ZC3H7B: variants seen among roughly 807,000 people sequenced by gnomAD.
ZC3H7B encodes zinc finger CCCH domain-containing protein 7B.
ZC3H7B carries 35 observed loss-of-function variants against 116.0 expected under a neutral mutation model. The ratio of observed to expected loss-of-function variants is 0.30; its 90% CI spans 0.23 to 0.40. ZC3H7B has a LOEUF of 0.40. Among genes scored for constraint, ZC3H7B ranks in the 10% least tolerant of loss-of-function variants. The pLI, the probability that ZC3H7B is intolerant of heterozygous loss-of-function variation, is 1.00. For synonymous variants in ZC3H7B, 502 were observed against 545.6 expected, an observed-to-expected ratio of 0.92 and a Z score of 1.11; for missense variants, 1,011 against 1,321.5, an observed-to-expected ratio of 0.77 and a Z score of 3.64.
chr22:41,342,621 C>G lies in ZC3H7B; in HGVS notation c.1290C>G (p.Pro430=). ...EFKQACQLCY[P]KTGPRAGDYT... ...AGCAGGCCTGCCAGCTCTGCTACCC[C>G]AAGACAGGTAAACTTTCACCTGTAG... The change falls in exon 12 of 23, where the codon CCC becomes CCG. Residue 430 remains proline (P), a synonymous_variant. Coordinates refer to ENST00000352645, the MANE Select transcript of ZC3H7B (RefSeq NM_017590.6). The G allele has an allele frequency of 6.2e-7, 1 of 1,612,102 alleles. No homozygotes were observed. The highest frequency in any genetic ancestry group is 8.5e-7 in the Non-Finnish European group (1 of 1,179,790).
intron 11 of ZC3H7B, 77 bp from the exon 12 acceptor site, chr22:41,342,452 C>T: frequency 1.4e-6 from 2 of 1,440,262 alleles, no homozygotes; most frequent in South Asian, 2.3e-5. Context: ...GCACTCCCCA[C>T]TTCTGGTGCC....
At position 41,357,749 on chromosome 22, in the gene ZC3H7B, A is replaced by G; in HGVS notation, c.*320A>G. On this transcript the variant is annotated 3_prime_UTR_variant, in exon 23 of 23. Transcript: ENST00000352645. The surrounding 1 kb of genome is among the most constrained non-coding windows in gnomAD (Gnocchi z 5.4). The stretch of plus-strand genomic sequence containing the variant: ...CAGCTTTAACTTCTGTCTGCTCCTA[A>G]TGGGGGCCCAAAGCTCAGGGCTGGG... The G allele has an allele frequency of 2.7e-6, 1 of 374,770 alleles. No homozygotes were observed. The highest frequency in any genetic ancestry group is 5.0e-6 in the Non-Finnish European group (1 of 199,716). 23.2% of individuals were successfully genotyped at this position (374,770 alleles called of 1,614,324 possible). A position where few individuals can be genotyped will look rare whatever the true frequency, so the allele number is the denominator to read the frequency against.
intron 10 of ZC3H7B, among the ~76,000 whole-genome samples, chr22:41,340,456 TC>T (rs2036507210): frequency 2.0e-5 from 3 of 151,990 alleles, no homozygotes; most frequent in African/African-American, 7.2e-5. Context: ...CATGGGATGA[TC>T]CTGAGGCTGG....
intron 1 of ZC3H7B, among the ~76,000 whole-genome samples, chr22:41,305,897 T>A (rs370988426): frequency 2.6e-5 from 4 of 152,174 alleles, no homozygotes; most frequent in East Asian, 1.9e-4. Context: ...GATGACACAC[T>A]CAGCCATTGT....
intron 9 of ZC3H7B, 91 bp from the exon 10 acceptor site, chr22:41,339,725 G>A: frequency 8.1e-7 from 1 of 1,233,502 alleles, no homozygotes; most frequent in South Asian, 1.4e-5. Context: ...GCGACAGGGT[G>A]CAGGTCTCCT....
chr22:41,319,553 G>C (rs1184418524), intron 1 of ZC3H7B, among the ~76,000 whole-genome samples: 2 of 138,706 alleles, frequency 1.4e-5, no homozygotes, highest in Non-Finnish European at 3.0e-5. Flanking sequence ...CTGGGCAACA[G>C]AGTGAGTCTC....
At position 41,359,070 on chromosome 22, in the gene ZC3H7B, T is replaced by A. The variant is rs1343693382; in HGVS notation, c.*1641T>A. The A allele has an allele frequency of 2.6e-5, 4 of 152,956 alleles. No homozygotes were observed. The East Asian group carries it at 7.7e-4, about 30-fold the overall frequency. 9.5% of individuals were successfully genotyped at this position (152,956 alleles called of 1,614,324 possible). A position where few individuals can be genotyped will look rare whatever the true frequency, so the allele number is the denominator to read the frequency against. ...AATCGTGGCATGCGCCCTTTCCTCT[T>A]CCCTGCCCCACCCCCTGGCCGCAGC... On this transcript the variant is annotated 3_prime_UTR_variant, in exon 23 of 23. Transcript: ENST00000352645.
rs1193764948 is a variant in ZC3H7B at position 41,357,138 on chromosome 22, G to A, written c.2682-39G>A. ...CAGATGGACAGCCTGGGGTGGGAAGGGCACAGAGCTCGGGCAGTGAGCCTC... is the reference window on the plus strand; with the variant it reads ...CAGATGGACAGCCTGGGGTGGGAAGAGCACAGAGCTCGGGCAGTGAGCCTC... On this transcript the variant is annotated intron_variant, in intron 22 of 22. Transcript: ENST00000352645. The surrounding 1 kb of genome is among the most constrained non-coding windows in gnomAD (Gnocchi z 5.4). 6.2e-7 allele frequency: 1 copy of A among 1,603,698 alleles called. No homozygotes were observed. Among genetic ancestry groups the A allele is most frequent in the South Asian group, 1.1e-5 (1 of 90,718 alleles).
At chr22:41,324,096 G>A (rs1484235385) in intron 2 of ZC3H7B, among the ~76,000 whole-genome samples, 1 of 152,088 alleles carries the variant, frequency 6.6e-6, no homozygotes, top group East Asian at 1.9e-4. Flanking sequence ...TCTTAGGACC[G>A]CATGACCTAT....
intron 16 of ZC3H7B, among the ~76,000 whole-genome samples, chr22:41,350,897 G>A (rs1269722088): frequency 6.6e-6 from 1 of 152,352 alleles, no homozygotes; most frequent in Non-Finnish European, 1.5e-5. Flanking sequence ...GGGGCCATAG[G>A]TCAAGGTGGA....
At chr22:41,312,089 G>A (rs570281422) in intron 1 of ZC3H7B, among the ~76,000 whole-genome samples, 1 of 150,972 alleles carries the variant, frequency 6.6e-6, no homozygotes, top group Admixed American at 6.6e-5. Flanking sequence ...CCCGGGAGGC[G>A]GAGCTTGCAG....
At chr22:41,304,864 T>G (rs2036019237) in intron 1 of ZC3H7B, among the ~76,000 whole-genome samples, 1 of 152,222 alleles carries the variant, frequency 6.6e-6, no homozygotes, top group Admixed American at 6.5e-5. Context: ...TCTGCAGGAT[T>G]TGAATCCAGG....
intron 13 of ZC3H7B, among the ~76,000 whole-genome samples, chr22:41,345,177 C>T (rs187652797): frequency 6.6e-6 from 1 of 152,228 alleles, no homozygotes; most frequent in Admixed American, 6.5e-5. Context: ...CCATTCATAG[C>T]AAAGACAGCT....
At chr22:41,320,041 A>G (rs1321094020) in intron 1 of ZC3H7B, among the ~76,000 whole-genome samples, 1 of 151,324 alleles carries the variant, frequency 6.6e-6, no homozygotes, top group Non-Finnish European at 1.5e-5. Flanking sequence ...AAAAAAAAAA[A>G]AAAATGGGGG....
rs1207208808 is a variant in ZC3H7B, at chr22:41,325,838, G to T, written c.205G>T (p.Ala69Ser). ...YMEGLNVADY[A>S]ASDQVALPRE... ...GGAAGGGCTGAACGTGGCCGACTAC[G>T]CTGCCTCTGACCAGGTGGCCCTGCC... Residue 69 changes from alanine to serine, a missense_variant, in exon 4 of 23, where the codon GCT (alanine) becomes TCT (serine). Around this residue, in one of 5 missense-constraint regions of ZC3H7B, gnomAD observed 322 missense variants for 443.9 expected, o/e 0.73. Transcript: ENST00000352645. 2 of 1,612,812 alleles carry T rather than the reference G, an allele frequency of 1.2e-6. No individual in the cohort carries two copies. The highest frequency in any genetic ancestry group is 1.7e-6 in the Non-Finnish European group (2 of 1,179,804).
intron 1 of ZC3H7B, among the ~76,000 whole-genome samples, chr22:41,311,164 G>C (rs575231927): frequency 2.0e-5 from 3 of 150,752 alleles, no homozygotes; most frequent in Non-Finnish European, 4.4e-5. Flanking sequence ...TGGCATATGC[G>C]TTACACAGAT....
chr22:41,332,101 C>T (rs2036390610), intron 6 of ZC3H7B, 70 bp from the exon 7 acceptor site: 5 of 1,571,062 alleles, frequency 3.2e-6, no homozygotes, highest in Admixed American at 1.7e-5. Context: ...CTTTGCTGCC[C>T]CAGCTAAGGG....
intron 1 of ZC3H7B, among the ~76,000 whole-genome samples, chr22:41,319,025 T>A (rs988119567): frequency 3.9e-5 from 6 of 152,034 alleles, no homozygotes; most frequent in Admixed American, 6.6e-5. Flanking sequence ...TTCCAGCACT[T>A]TGGGAGGCTG....
intron 13 of ZC3H7B, among the ~76,000 whole-genome samples, chr22:41,345,779 C>T (rs534303179): frequency 8.8e-4 from 133 of 151,836 alleles, no homozygotes; most frequent in Non-Finnish European, 1.6e-3. Flanking sequence ...GCCTCACCTG[C>T]GTTGGGGTGC....
Sources: allele counts gnomAD v4.1 joint callset (sites outside exome capture counted in the v4.1 genomes callset), GRCh38; gene constraint gnomAD v4.1.1; regional missense constraint gnomAD v4.1.1; non-coding constraint Gnocchi (gnomAD v3.1); transcripts MANE v1.5; gene names NCBI Gene and HGNC (gene_info 2026-07-23, HGNC 2026-07-21).